The following KDM6A variants were observed in gnomAD, a reference collection of about 807,000 sequenced individuals.
KDM6A encodes lysine demethylase 6A, also known as lysine-specific demethylase 6A.
In KDM6A, 11 loss-of-function variants were observed where a neutral mutation model predicts 117.6. The observed-to-expected ratio is 0.09, with a 90% CI of 0.06 to 0.15. KDM6A has a LOEUF of 0.15. Ranked by LOEUF, KDM6A falls within the 10% of genes least tolerant of loss-of-function variation. The probability of loss-of-function intolerance (pLI) is 1.00; values close to 1 mark genes in which losing one functional copy is unlikely to be tolerated. For missense variants in KDM6A, 799 were observed against 1,077.3 expected (o/e 0.74, Z 3.62); for synonymous variants, 384 against 396.1 (o/e 0.97, Z 0.36).
At chrX:45,065,662 C>A (rs1473146125) in intron 17 of KDM6A, among the ~76,000 whole-genome samples, 1 of 111,644 alleles carries the variant, frequency 9.0e-6, no homozygotes, top group Non-Finnish European at 1.9e-5. Context: ...AGAAAGGAGT[C>A]CCAGCTGGCC....
At chrX:45,083,066 C>T (rs925759793) in intron 23 of KDM6A, among the ~76,000 whole-genome samples, 1 of 110,351 alleles carries the variant, frequency 9.1e-6, no homozygotes, top group Non-Finnish European at 1.9e-5. Context: ...GTTGGGGTTA[C>T]AGTTGTGAGC....
chrX:44,992,696 G>A (rs972087329), intron 4 of KDM6A, among the ~76,000 whole-genome samples: 8 of 108,455 alleles, frequency 7.4e-5, no homozygotes, highest in South Asian at 8.3e-4. Flanking sequence ...GACTACAGGC[G>A]CATGCTACCA....
intron 2 of KDM6A, among the ~76,000 whole-genome samples, chrX:44,923,499 C>T (rs898096320): frequency 2.2e-5 from 2 of 91,220 alleles, no homozygotes; most frequent in South Asian, 5.5e-4. Flanking sequence ...TTCAAGTTCA[C>T]TAATAATTTT....
chrX:45,013,952 G>A (rs2041868553), intron 5 of KDM6A, among the ~76,000 whole-genome samples: 1 of 111,879 alleles, frequency 8.9e-6, no homozygotes, highest in Admixed American at 9.5e-5. Context: ...GCTGATTACT[G>A]GGATCAGGAA....
chrX:44,961,704 G>T (rs187172144), intron 3 of KDM6A, among the ~76,000 whole-genome samples: 1 of 111,801 alleles, frequency 8.9e-6, no homozygotes, highest in Non-Finnish European at 1.9e-5. Flanking sequence ...CTTTGGAAAG[G>T]TAACAAAAAC....
At chrX:45,044,708 A>G (rs1602716714) in intron 8 of KDM6A, among the ~76,000 whole-genome samples, 1 of 112,156 alleles carries the variant, frequency 8.9e-6, no homozygotes, top group African/African-American at 3.2e-5. Flanking sequence ...TATCTTGGAA[A>G]TCATTCTGTA....
At chrX:45,058,807 A>G (rs925709990) in intron 10 of KDM6A, among the ~76,000 whole-genome samples, 199 bp from the exon 11 acceptor site, 3 of 111,081 alleles carry the variant, frequency 2.7e-5, no homozygotes, top group Non-Finnish European at 5.7e-5. Context: ...AAGACAGACT[A>G]TAATATGGTT....
chrX:44,931,276 G>T (rs2036610475), intron 2 of KDM6A, among the ~76,000 whole-genome samples: 2 of 110,630 alleles, frequency 1.8e-5, no homozygotes, highest in African/African-American at 6.6e-5. Flanking sequence ...CACCATGTTG[G>T]CCAGGCTGGT....
chrX:44,873,892 C>T, intron 1 of KDM6A, 32 bp from the exon 2 acceptor site: 1 of 1,195,678 alleles, frequency 8.4e-7, no homozygotes, highest in South Asian at 1.8e-5. Flanking sequence ...GTTCCCTGAG[C>T]GTTAACGAGT....
intron 2 of KDM6A, among the ~76,000 whole-genome samples, chrX:44,875,395 A>G (rs1318970373): frequency 9.0e-6 from 1 of 111,682 alleles, no homozygotes; most frequent in Admixed American, 9.6e-5. Flanking sequence ...CTAAATGGAA[A>G]TAATGCTTTT....
intron 6 of KDM6A, among the ~76,000 whole-genome samples, chrX:45,029,054 G>A (rs1043447819): frequency 2.7e-5 from 3 of 111,959 alleles, no homozygotes; most frequent in African/African-American, 9.7e-5. Flanking sequence ...GATTTCTGGT[G>A]CTAACTTACA....
intron 18 of KDM6A, among the ~76,000 whole-genome samples, chrX:45,075,953 ATTTC>A (rs1015155922): frequency 9.0e-6 from 1 of 111,268 alleles, no homozygotes; most frequent in African/African-American, 3.3e-5. Flanking sequence ...GCTCAAAATT[ATTTC>A]TTGTTGATTT....
intron 3 of KDM6A, among the ~76,000 whole-genome samples, chrX:44,966,465 G>A (rs767061400): frequency 2.2e-4 from 24 of 111,111 alleles, no homozygotes; most frequent in Non-Finnish European, 4.0e-4. Context: ...TGGTTATGAA[G>A]GTAATGAATC....
intron 2 of KDM6A, among the ~76,000 whole-genome samples, chrX:44,902,039 C>G (rs1387117688): frequency 1.8e-5 from 2 of 111,741 alleles, no homozygotes; most frequent in East Asian, 5.7e-4. Context: ...CCAGCCTGGC[C>G]AACATGGCAA....
intron 6 of KDM6A, among the ~76,000 whole-genome samples, chrX:45,029,589 G>A (rs920165210): frequency 1.9e-5 from 2 of 104,069 alleles, no homozygotes; most frequent in African/African-American, 7.5e-5. Flanking sequence ...TCCAGCCTGG[G>A]TGACAGAGTG....
intron 4 of KDM6A, among the ~76,000 whole-genome samples, chrX:44,984,918 G>C (rs369606792): frequency 4.5e-5 from 5 of 110,724 alleles, no homozygotes; most frequent in East Asian, 5.6e-4. Flanking sequence ...TCCATATGAA[G>C]TTTAAAGTAG....
chrX:44,951,744 C>T (rs1412755717), intron 2 of KDM6A, among the ~76,000 whole-genome samples: 1 of 110,431 alleles, frequency 9.1e-6, no homozygotes, highest in African/African-American at 3.3e-5. Flanking sequence ...TGGAGAGGGT[C>T]GTTCTTGCAC....
At chrX:45,057,654 G>T (rs780629187) in intron 10 of KDM6A, among the ~76,000 whole-genome samples, 3 of 110,690 alleles carry the variant, frequency 2.7e-5, no homozygotes, top group Non-Finnish European at 5.7e-5. Context: ...TCTTTGGCTG[G>T]ATTTAAAATT....
At chrX:44,876,970 A>AATACGTATATACACGTATACGC (rs898653499) in intron 2 of KDM6A, among the ~76,000 whole-genome samples, 1 of 81,454 alleles carries the variant, frequency 1.2e-5, no homozygotes, top group Non-Finnish European at 2.1e-5. Flanking sequence ...CACGTATATG[A>AATACGTATATACACGTATACGC]ATACGTATAT....
Sources: gnomAD v4.1 joint callset for allele counts (sites outside exome capture counted in the v4.1 genomes callset) on GRCh38, gnomAD v4.1.1 for gene constraint, MANE v1.5 for transcripts, NCBI Gene and HGNC (gene_info 2026-07-23, HGNC 2026-07-21) for gene names.